MEF2B: variants seen among roughly 807,000 people sequenced by gnomAD.
The protein encoded by MEF2B is myocyte enhancer factor 2B.
A neutral mutation model predicts 32.2 loss-of-function variants in MEF2B; 15 were observed. The observed-to-expected ratio is 0.47, with a 90% CI of 0.31 to 0.72. MEF2B has a LOEUF of 0.72. Ranked by LOEUF, MEF2B falls within the 30% of genes least tolerant of loss-of-function variation. MEF2B has a pLI of 0.05. For missense variants in MEF2B, 441 were observed against 511.5 expected, an observed-to-expected ratio of 0.86 and a Z score of 1.33; for synonymous variants, 205 against 225.6, an observed-to-expected ratio of 0.91 and a Z score of 0.82.
Position 19,155,083 on chromosome 19 carries a change from C to G in MEF2B, c.-29-4319G>C, listed in dbSNP as rs117817894. Among the ~76,000 whole-genome samples the G allele has an allele frequency of 2.8e-4, 42 of 152,322 alleles. No homozygotes were observed. In the East Asian group the frequency reaches 7.9e-3, roughly 29 times the overall value. ...ATTGGAACCAAAGCCATCCTCCACT[C>G]TAGCCCCTGAGGGAATCTACCCAAC... On this transcript the variant is annotated intron_variant, in intron 1 of 8. Transcript: ENST00000424583.
chr19:19,162,730 C>T (rs74338872), intron 1 of MEF2B, among the ~76,000 whole-genome samples: 13,422 of 152,158 alleles, frequency 0.088, 996 homozygotes, highest in African/African-American at 0.19. Flanking sequence ...CTCTGTGGGA[C>T]GCCCCCTCTA....
intron 1 of MEF2B, among the ~76,000 whole-genome samples, chr19:19,162,116 T>G (rs2060168957): frequency 1.3e-5 from 2 of 151,646 alleles, no homozygotes; most frequent in East Asian, 1.9e-4. Flanking sequence ...TTCCTCTTTT[T>G]AATTATTATT....
intron 1 of MEF2B, among the ~76,000 whole-genome samples, chr19:19,167,860 G>A (rs1019305975): frequency 5.3e-5 from 8 of 152,182 alleles, no homozygotes; most frequent in Admixed American, 2.6e-4. Flanking sequence ...TTGGGGGACT[G>A]AGGCATGGCC....
chr19:19,150,330 C>T (rs2060066575), intron 2 of MEF2B, among the ~76,000 whole-genome samples: 1 of 151,746 alleles, frequency 6.6e-6, no homozygotes. Flanking sequence ...GAGTTCGAGA[C>T]TAGCCTGGCC....
intron 1 of MEF2B, among the ~76,000 whole-genome samples, chr19:19,154,165 A>AAT (rs1213170827): frequency 1.3e-5 from 2 of 151,566 alleles, no homozygotes; most frequent in Non-Finnish European, 2.9e-5. Context: ...TTTTATTTTT[A>AAT]ATATATATAT....
intron 1 of MEF2B, among the ~76,000 whole-genome samples, chr19:19,162,468 CA>C (rs1193524968): frequency 2.0e-5 from 3 of 152,178 alleles, no homozygotes; most frequent in African/African-American, 7.2e-5. Flanking sequence ...CTCCACCCAC[CA>C]GGGGTGAAAT....
chr19:19,164,576 G>A (rs552675966), intron 1 of MEF2B, among the ~76,000 whole-genome samples: 1 of 152,360 alleles, frequency 6.6e-6, no homozygotes, highest in South Asian at 2.1e-4. Flanking sequence ...TACTTTGGGA[G>A]ACCGAGGTGG....
intron 3 of MEF2B, among the ~76,000 whole-genome samples, chr19:19,148,617 C>G (rs2060046985): frequency 6.6e-6 from 1 of 152,144 alleles, no homozygotes; most frequent in South Asian, 2.1e-4. Flanking sequence ...AGGCCTAGTC[C>G]CAGCCCGCTG....
In MEF2B at chr19:19,145,671, A is replaced by C; in HGVS notation, c.*126T>G. The C allele has an allele frequency of 1.3e-6, 2 of 1,540,278 alleles. No individual in the cohort carries two copies. The highest frequency in any genetic ancestry group is 1.8e-6 in the Non-Finnish European group (2 of 1,141,278). ...GATTGAGTCCAGCCGCCCACCTCCAAGCCCCCACCGCGGAGGGGGGCGTCA... is the reference window on the plus strand; with the variant it reads ...GATTGAGTCCAGCCGCCCACCTCCACGCCCCCACCGCGGAGGGGGGCGTCA... On this transcript the variant is annotated 3_prime_UTR_variant, in exon 9 of 9. Coordinates refer to ENST00000424583, the MANE Select transcript of MEF2B (RefSeq NM_001145785.2). The surrounding 1 kb of genome is among the most constrained non-coding windows in gnomAD (Gnocchi z 4.6).
At chr19:19,166,541 A>C (rs1402206491) in intron 1 of MEF2B, among the ~76,000 whole-genome samples, 4 of 148,730 alleles carry the variant, frequency 2.7e-5, no homozygotes, top group Non-Finnish European at 5.9e-5. Flanking sequence ...GGACCATTTG[A>C]GCTCAGGAGT....
chr19:19,168,616 C>T (rs947072073), intron 1 of MEF2B, among the ~76,000 whole-genome samples: 1 of 150,252 alleles, frequency 6.7e-6, no homozygotes, highest in African/African-American at 2.4e-5. Context: ...CTTTTAGAGA[C>T]AGGATCTTGC....
At chr19:19,150,182 G>GGGAA (rs762140000) in intron 2 of MEF2B, among the ~76,000 whole-genome samples, 11,430 of 109,894 alleles carry the variant, frequency 0.1, 863 homozygotes, top group East Asian at 0.22. Flanking sequence ...GAGGGAGGGA[G>GGGAA]GGAAGGAAGG....
intron 1 of MEF2B, among the ~76,000 whole-genome samples, chr19:19,153,583 A>G (rs1429236535): frequency 6.6e-6 from 1 of 151,904 alleles, no homozygotes. Flanking sequence ...CAGCCTCCCA[A>G]GTAGCTGCGA....
intron 1 of MEF2B, among the ~76,000 whole-genome samples, chr19:19,165,029 C>A (rs1048999824): frequency 6.6e-6 from 1 of 152,162 alleles, no homozygotes; most frequent in African/African-American, 2.4e-5. Context: ...AGCCCGGCAG[C>A]CCGAAGATGC....
rs141688102 is a variant in MEF2B, at chr19:19,147,750, C to T, written c.341G>A (p.Arg114Gln). Residue 114 changes from arginine (R) to glutamine (Q), a missense_variant, in exon 4 of 9, where the codon CGG becomes CAG. Arg to Gln is a conservative substitution (Grantham distance 43). Coordinates refer to ENST00000424583, the MANE Select transcript of MEF2B (RefSeq NM_001145785.2). ...ATCACCCCCTTCGCCTGCCAGCCTC[C>T]GAAACTTCTCTCCTGGCTCCTCAGG... ...EGPEEPGEKF[R>Q]RLAGEGGDPA... 2.5e-5 allele frequency: 41 copies of T among 1,613,872 alleles called. No individual in the cohort carries two copies. The highest frequency in any genetic ancestry group is 2.9e-5 in the Non-Finnish European group (34 of 1,180,006).
intron 5 of MEF2B, 56 bp downstream of exon 5, chr19:19,146,980 G>T (rs898168065): frequency 5.8e-6 from 9 of 1,563,578 alleles, no homozygotes; most frequent in African/African-American, 4.1e-5. Context: ...CCAGAGCCAA[G>T]ATGCACCCAA....
intron 1 of MEF2B, among the ~76,000 whole-genome samples, chr19:19,168,791 G>A (rs774379403): frequency 2.4e-4 from 36 of 151,952 alleles, no homozygotes; most frequent in Non-Finnish European, 3.4e-4. Flanking sequence ...GGCCAGATGC[G>A]GTGGCTTACT....
chr19:19,153,610 C>T (rs1004987290), intron 1 of MEF2B, among the ~76,000 whole-genome samples: 1 of 152,078 alleles, frequency 6.6e-6, no homozygotes, highest in African/African-American at 2.4e-5. Context: ...GCATGCACCA[C>T]CACACCTCGC....
rs947884118 is a variant in MEF2B, at chr19:19,147,285, C to T, written c.394-102G>A. The T allele has an allele frequency of 1.5e-5, 14 of 956,512 alleles. 3 individuals are homozygous for T. The highest frequency in any genetic ancestry group is 6.8e-5 in the Admixed American group (1 of 14,774). The allele number at this position is 956,512 out of a possible 1,614,324, so 59.3% of individuals were successfully genotyped here. ...GAGTTCAGGGGCCCAGCTCTACCTT[C>T]AGGAAGCCTTTGCTCCACCTCCCAC... On this transcript the variant is annotated intron_variant, in intron 4 of 8. Transcript: ENST00000424583.
Sources: allele counts gnomAD v4.1 joint callset (sites outside exome capture counted in the v4.1 genomes callset), GRCh38; gene constraint gnomAD v4.1.1; non-coding constraint Gnocchi (gnomAD v3.1); transcripts MANE v1.5; gene names NCBI Gene and HGNC (gene_info 2026-07-23, HGNC 2026-07-21).